The following NOC3L variants were observed in gnomAD, a reference collection of about 807,000 sequenced individuals.
The protein encoded by NOC3L is NOC3 like DNA replication regulator.
In NOC3L, 85 loss-of-function variants were observed where a neutral mutation model predicts 102.5. The ratio of observed to expected loss-of-function variants is 0.83; its 90% CI spans 0.70 to 0.99. The LOEUF (loss-of-function observed/expected upper bound fraction) is 0.99. NOC3L is among the 50% of genes least tolerant of loss of function. The pLI is 0.00. For missense variants in NOC3L, 878 were observed against 914.9 expected (o/e 0.96, Z 0.52); for synonymous variants, 303 against 309.4 (o/e 0.98, Z 0.22).
the NOC3L span, chr10:94,324,276 A>C: frequency 1.6e-6 from 2 of 1,220,872 alleles, no homozygotes; most frequent in Non-Finnish European, 2.4e-6. Flanking sequence ...TCCACCTTAA[A>C]GTTTCATATA....
chr10:94,349,474 T>A, intron 9 of NOC3L, 96 bp from the exon 10 acceptor site: 1 of 1,095,126 alleles, frequency 9.1e-7, no homozygotes, highest in African/African-American at 1.6e-5. Context: ...GGGACTGTCC[T>A]AGGATGTTTA....
rs2054344829 is a variant in NOC3L at position 94,346,475 on chromosome 10, AT to A, written c.1338del (p.Lys446AsnfsTer3). 5.9e-6 allele frequency: 9 copies of A among 1,512,860 alleles called. No homozygotes were observed. The highest frequency in any genetic ancestry group is 5.0e-5 in the East Asian group (2 of 39,788). 93.7% of individuals were successfully genotyped at this position (1,512,860 alleles called of 1,614,324 possible). ...KDTEDINKPK[K>X]FMTFKEKRKS... ...TTTCTCTTTTCTTTGAAAGTCATAA[AT>A]TTTTTTGGTTTATTAATGTCTTCTG... On this transcript the variant is annotated frameshift_variant, in exon 11 of 21. Coordinates refer to ENST00000371361, the MANE Select transcript of NOC3L (RefSeq NM_022451.11). LOFTEE classifies it high-confidence loss of function.
intron 11 of NOC3L, 121 bp downstream of exon 11, chr10:94,346,304 G>T: frequency 1.6e-6 from 1 of 633,682 alleles, no homozygotes. Context: ...TTCTCTAAAT[G>T]ATGTATTTCA....
At chr10:94,344,583 T>G in intron 12 of NOC3L, 68 bp from the exon 13 acceptor site, 1 of 1,100,980 alleles carries the variant, frequency 9.1e-7, no homozygotes, top group Non-Finnish European at 1.4e-6. Flanking sequence ...TGAGCATAAG[T>G]ATCACTTCAA....
rs1185566112 is a variant in NOC3L, at chr10:94,333,954, A to G, written c.*223T>C. ...AGCATCATCAAGAAAGTAATTTCCA[A>G]ATACTGGGGAGAAAAAAAGGCTTTT... On this transcript the variant is annotated 3_prime_UTR_variant, in exon 21 of 21. Coordinates refer to ENST00000371361, the MANE Select transcript of NOC3L (RefSeq NM_022451.11). The G allele has an allele frequency of 3.1e-6, 1 of 327,208 alleles. No individual in the cohort carries two copies. Among genetic ancestry groups the G allele is most frequent in the Non-Finnish European group, 5.5e-6 (1 of 182,210 alleles). 20.3% of individuals were successfully genotyped at this position (327,208 alleles called of 1,614,324 possible).
intron 7 of NOC3L, among the ~76,000 whole-genome samples, 183 bp from the exon 8 acceptor site, chr10:94,352,586 C>T (rs2054432857): frequency 6.6e-6 from 1 of 152,184 alleles, no homozygotes; most frequent in South Asian, 2.1e-4. Flanking sequence ...CTTTGTGAGG[C>T]AGAGGCGGGT....
intron 17 of NOC3L, 145 bp from the exon 18 acceptor site, chr10:94,338,881 A>G (rs1482646172): frequency 1.7e-6 from 1 of 599,228 alleles, no homozygotes. Context: ...TTAATAAAAA[A>G]CAATTTAAGT....
the NOC3L span, chr10:94,324,822 G>A: frequency 6.8e-7 from 1 of 1,474,832 alleles, no homozygotes; most frequent in South Asian, 1.1e-5. Flanking sequence ...GCGCTCTTCT[G>A]AAATAGTGTC....
At chr10:94,330,431 A>G (rs941019572), downstream of NOC3L, 5 of 152,196 alleles carry the variant, frequency 3.3e-5, no homozygotes, top group East Asian at 1.9e-4. Context: ...TGTAATCCCA[A>G]CACTCTGGGA....
chr10:94,350,443 G>A (rs892857204), intron 8 of NOC3L, among the ~76,000 whole-genome samples, 155 bp from the exon 9 acceptor site: 10 of 151,890 alleles, frequency 6.6e-5, no homozygotes, highest in Non-Finnish European at 1.2e-4. Flanking sequence ...GGGCACAGTG[G>A]CTCACACCTG....
rs1397931507 is a variant in NOC3L at position 94,340,425 on chromosome 10, TATC to T, written c.1708+5_1708+7del. 1.4e-6 allele frequency: 2 copies of T among 1,450,360 alleles called. No homozygotes were observed. Among genetic ancestry groups the T allele is most frequent in the Non-Finnish European group, 1.9e-6 (2 of 1,079,228 alleles). 89.8% of individuals were successfully genotyped at this position (1,450,360 alleles called of 1,614,324 possible). ...GGCAAACAAAACTTGATTAAGAAAA[TATC>T]ATACCTTGTCCAGAAAGAATATGAA... On this transcript the variant is annotated splice_donor_5th_base_variant and intron_variant, in intron 15 of 20. Coordinates refer to ENST00000371361, the MANE Select transcript of NOC3L (RefSeq NM_022451.11).
At chr10:94,330,354 T>C (rs964777580), downstream of NOC3L, 8 of 152,198 alleles carry the variant, frequency 5.3e-5, no homozygotes, top group African/African-American at 1.9e-4. Context: ...ATTTGAGTCT[T>C]TGGGATTACA....
the NOC3L span, among the ~76,000 whole-genome samples, chr10:94,324,168 C>T: frequency 5.9e-5 from 9 of 152,112 alleles, no homozygotes; most frequent in Non-Finnish European, 1.3e-4. Context: ...AATGAGGTAA[C>T]GTGGGAAATT....
At chr10:94,334,757 A>T in intron 19 of NOC3L, 39 bp from the exon 20 acceptor site, 1 of 1,323,418 alleles carries the variant, frequency 7.6e-7, no homozygotes, top group Non-Finnish European at 1.1e-6. Context: ...ATACCACCAC[A>T]TCTGTGTAAC....
At position 94,357,056 on chromosome 10, in the gene NOC3L, T is replaced by C. The variant is rs577542085; in HGVS notation, c.508+118A>G. 49 of 738,344 alleles carry C rather than the reference T, an allele frequency of 6.6e-5. 1 individual carries two copies. The South Asian group carries it at 9.1e-4, about 14-fold the overall frequency. 45.7% of individuals were successfully genotyped at this position (738,344 alleles called of 1,614,324 possible). A position where few individuals can be genotyped will look rare whatever the true frequency, so the allele number is the denominator to read the frequency against. On this transcript the variant is annotated intron_variant, in intron 4 of 20. Transcript: ENST00000371361. ...ATCATCAAGCTTGCTATAAGACTAATTGAATATTTTCTAGATATGGGTAAA... is the reference window on the plus strand; with the variant it reads ...ATCATCAAGCTTGCTATAAGACTAACTGAATATTTTCTAGATATGGGTAAA...
Position 94,349,986 on chromosome 10 carries a change from C to T in NOC3L, c.1128+127G>A, listed in dbSNP as rs139652615. The T allele has an allele frequency of 6.4e-4, 506 of 785,196 alleles. 7 individuals are homozygous for T. The East Asian group carries it at 0.013, about 21-fold the overall frequency. 48.6% of individuals were successfully genotyped at this position (785,196 alleles called of 1,614,324 possible). ...TGTTAGCTGGGGTGGTCTCGATCTC[C>T]TGACCTCGTGATCTGCCTGCCTCGG... On this transcript the variant is annotated intron_variant, in intron 9 of 20. Transcript: ENST00000371361.
intron 19 of NOC3L, 140 bp downstream of exon 19, chr10:94,337,637 G>C: frequency 1.8e-6 from 1 of 560,512 alleles, no homozygotes; most frequent in Non-Finnish European, 3.2e-6. Context: ...AACAATTCAG[G>C]AATATGAAGC....
At chr10:94,328,163 T>G in the NOC3L span, 51 of 296,844 alleles carry the variant, frequency 1.7e-4, no homozygotes, top group East Asian at 4.1e-3. Flanking sequence ...CCCAGGGGAC[T>G]GCCATTTTAT....
intron 8 of NOC3L, among the ~76,000 whole-genome samples, chr10:94,351,170 A>C (rs1026641481): frequency 3.9e-5 from 6 of 152,130 alleles, no homozygotes; most frequent in Non-Finnish European, 8.8e-5. Context: ...CTCTCACTGG[A>C]AGAACAAACA....
Sources: gnomAD v4.1 joint callset for allele counts (sites outside exome capture counted in the v4.1 genomes callset) on GRCh38, gnomAD v4.1.1 for gene constraint, MANE v1.5 for transcripts, NCBI Gene and HGNC (gene_info 2026-07-23, HGNC 2026-07-21) for gene names.